The following DAP variants were observed in gnomAD, a reference collection of about 807,000 sequenced individuals.
The protein encoded by DAP is death-associated protein 1.
In DAP, 8 loss-of-function variants were observed where a neutral mutation model predicts 13.8. The ratio of observed to expected loss-of-function variants is 0.58; its 90% confidence interval spans 0.34 to 1.05. The LOEUF is 1.05. DAP is among the 50% of genes least tolerant of loss of function. The pLI, the probability that DAP is intolerant of heterozygous loss-of-function variation, is 0.03. For synonymous variants in DAP, 47 were observed against 47.5 expected, an observed-to-expected ratio of 0.99 and a Z score of 0.04; for missense variants, 106 against 133.2, an observed-to-expected ratio of 0.80 and a Z score of 1.01.
At chr5:10,704,255 A>G (rs1394918439) in intron 2 of DAP, among the ~76,000 whole-genome samples, 1 of 152,198 alleles carries the variant, frequency 6.6e-6, no homozygotes, top group Non-Finnish European at 1.5e-5. Flanking sequence ...CAAACCCATT[A>G]ATTTTTCTAC....
chr5:10,731,620 T>A (rs1206911706), intron 2 of DAP, among the ~76,000 whole-genome samples: 4 of 152,182 alleles, frequency 2.6e-5, no homozygotes, highest in Admixed American at 1.3e-4. Context: ...GTGGTGCTGG[T>A]CTTTGTGCCT....
chr5:10,718,473 T>C (rs938849320), intron 2 of DAP, among the ~76,000 whole-genome samples: 5 of 152,040 alleles, frequency 3.3e-5, no homozygotes, highest in Non-Finnish European at 7.4e-5. Context: ...TCTAGGAAAA[T>C]AGTAAATCAA....
intron 2 of DAP, among the ~76,000 whole-genome samples, chr5:10,735,032 C>T (rs1221428145): frequency 6.6e-6 from 1 of 152,156 alleles, no homozygotes; most frequent in Non-Finnish European, 1.5e-5. Flanking sequence ...TGCAACATAC[C>T]CATGACTCCA....
chr5:10,694,650 G>C (rs1738390327), intron 2 of DAP, among the ~76,000 whole-genome samples: 1 of 152,210 alleles, frequency 6.6e-6, no homozygotes, highest in African/African-American at 2.4e-5. Context: ...GTCACAGTGT[G>C]TGCTTAGCAC....
chr5:10,693,320 G>A (rs558490274), intron 2 of DAP, among the ~76,000 whole-genome samples: 24 of 152,298 alleles, frequency 1.6e-4, no homozygotes, highest in Admixed American at 3.9e-4. Flanking sequence ...CTCTGCAAAT[G>A]CTGTCTCCTT....
At position 10,736,818 on chromosome 5, in the gene DAP, T is replaced by C. The variant is rs5745205; in HGVS notation, c.152+11357A>G. Reference sequence around the variant, plus strand: ...ATGAAATCAGGCCTGCTTTTTATTCTGAGGGTCTTGCTGTACCTTCCTTAC... The same window carrying C: ...ATGAAATCAGGCCTGCTTTTTATTCCGAGGGTCTTGCTGTACCTTCCTTAC... On this transcript the variant is annotated intron_variant, in intron 2 of 3. Coordinates refer to ENST00000230895, the MANE Select transcript of DAP (RefSeq NM_004394.3). Among the ~76,000 whole-genome samples the C allele has an allele frequency of 4.4e-3, 676 of 152,342 alleles. 5 individuals are homozygous for C. Among genetic ancestry groups the C allele is most frequent in the African/African-American group, 0.015 (614 of 41,586 alleles).
intron 2 of DAP, among the ~76,000 whole-genome samples, chr5:10,716,315 C>T (rs753042872): frequency 6.6e-6 from 1 of 152,186 alleles, no homozygotes; most frequent in Non-Finnish European, 1.5e-5. Context: ...TAAACTCCTT[C>T]GAAGTCTAGA....
chr5:10,695,523 G>A (rs1244624138), intron 2 of DAP, among the ~76,000 whole-genome samples: 1 of 152,236 alleles, frequency 6.6e-6, no homozygotes, highest in Non-Finnish European at 1.5e-5. Flanking sequence ...CACAACCAGA[G>A]GTGCTTTTCT....
At chr5:10,745,262 A>T (rs1196043259) in intron 2 of DAP, among the ~76,000 whole-genome samples, 1 of 152,208 alleles carries the variant, frequency 6.6e-6, no homozygotes, top group Admixed American at 6.5e-5. Context: ...GAGTGTACAC[A>T]GGCTTACCCC....
intron 2 of DAP, among the ~76,000 whole-genome samples, chr5:10,731,356 G>T (rs1739456469): frequency 6.6e-6 from 1 of 152,198 alleles, no homozygotes; most frequent in African/African-American, 2.4e-5. Flanking sequence ...ATCTCTCCAT[G>T]GCTTTGGCTG....
intron 2 of DAP, among the ~76,000 whole-genome samples, chr5:10,712,435 G>A (rs564954828): frequency 6.6e-6 from 1 of 152,278 alleles, no homozygotes; most frequent in Admixed American, 6.5e-5. Flanking sequence ...GCTTCAGTGG[G>A]GCCTGGAAGG....
intron 2 of DAP, among the ~76,000 whole-genome samples, chr5:10,743,241 T>C (rs974944955): frequency 6.6e-6 from 1 of 152,206 alleles, no homozygotes; most frequent in South Asian, 2.1e-4. Flanking sequence ...CAAAGTTAAT[T>C]AGGTAACTCC....
rs553892301 is a variant in DAP, at chr5:10,713,740, C to G, written c.153-30169G>C. 3.3e-4 allele frequency among the ~76,000 whole-genome samples: 51 copies of G among 152,326 alleles called. 1 individual carries two copies. Among genetic ancestry groups the G allele is most frequent in the Admixed American group, 7.2e-4 (11 of 15,304 alleles). On this transcript the variant is annotated intron_variant, in intron 2 of 3. Coordinates refer to ENST00000230895, the MANE Select transcript of DAP (RefSeq NM_004394.3). ...AGCCAGCAGGCACGCCTGGTGTGCT[C>G]TGGCGGGGAAGCGGGGCTGGGCAAG...
intron 2 of DAP, among the ~76,000 whole-genome samples, chr5:10,689,976 A>C (rs1738263141): frequency 6.6e-6 from 1 of 152,216 alleles, no homozygotes; most frequent in Non-Finnish European, 1.5e-5. Flanking sequence ...AACAACATGA[A>C]GGCCTGAGAC....
At chr5:10,756,553 A>G (rs988214397) in intron 1 of DAP, among the ~76,000 whole-genome samples, 1 of 152,234 alleles carries the variant, frequency 6.6e-6, no homozygotes, top group Non-Finnish European at 1.5e-5. Context: ...AATCGTGCTT[A>G]TATTTCCATT....
chr5:10,731,035 T>TG (rs1242323133), intron 2 of DAP, among the ~76,000 whole-genome samples: 3 of 31,170 alleles, frequency 9.6e-5, no homozygotes, highest in African/African-American at 3.9e-4. Context: ...AGAGCCCTGG[T>TG]GGAGGGAATC....
At chr5:10,760,946 C>T (rs2111411446) in intron 1 of DAP, 68 bp downstream of exon 1, 1 of 1,054,856 alleles carries the variant, frequency 9.5e-7, no homozygotes, top group Non-Finnish European at 1.2e-6. Flanking sequence ...GGAGCCCCCG[C>T]CCGGCGCCCC....
chr5:10,702,497 G>T (rs79576733), intron 2 of DAP, among the ~76,000 whole-genome samples: 66 of 152,310 alleles, frequency 4.3e-4, no homozygotes, highest in African/African-American at 1.6e-3. Context: ...CCTTCCTCCA[G>T]CTTTTGCCAG....
intron 3 of DAP, 81 bp from the exon 4 acceptor site, chr5:10,681,250 A>G: frequency 9.0e-7 from 1 of 1,113,656 alleles, no homozygotes; most frequent in Non-Finnish European, 1.2e-6. Context: ...GCCAGTGCCC[A>G]CCAGCGTCCC....
Sources: gnomAD v4.1 joint callset for allele counts (sites outside exome capture counted in the v4.1 genomes callset) on GRCh38, gnomAD v4.1.1 for gene constraint, MANE v1.5 for transcripts, NCBI Gene and HGNC (gene_info 2026-07-23, HGNC 2026-07-21) for gene names.